The following GPR135 variants were observed in gnomAD, a reference collection of about 807,000 sequenced individuals.
GPR135 encodes the protein G protein-coupled receptor 135.
In GPR135, 17 loss-of-function variants were observed where a neutral mutation model predicts 15.0. That is an observed-to-expected ratio of 1.13 (90% CI 0.78 to 1.70). GPR135 has a LOEUF of 1.70. Among genes scored for constraint, GPR135 ranks in the 40% most tolerant of loss-of-function variants. The probability of loss-of-function intolerance (pLI) is 0.00; values close to 1 mark genes in which losing one functional copy is unlikely to be tolerated. For synonymous variants in GPR135, 368 were observed against 349.4 expected (o/e 1.05, Z -0.59); for missense variants, 776 against 727.0 (o/e 1.07, Z -0.78).
downstream of GPR135, chr14:59,456,674 G>A (rs1245746876): frequency 6.6e-6 from 1 of 152,162 alleles, no homozygotes; most frequent in Non-Finnish European, 1.5e-5. Context: ...TTATGTGTAA[G>A]TTGCTTCATT....
rs1288912172 is a variant in GPR135 at position 59,463,991 on chromosome 14, G to A, written c.1236C>T (p.Asp412=). 1.2e-6 allele frequency: 2 copies of A among 1,614,020 alleles called. No individual in the cohort carries two copies. The highest frequency in any genetic ancestry group is 1.7e-5 in the Admixed American group (1 of 60,034). The change falls in exon 1 of 1, where the codon GAC becomes GAT. Residue 412 remains aspartate, a synonymous_variant. Transcript: ENST00000395116. ...CCGGGCCCTGGCTGGGCAGGAAAGCGTCCACATTCCTAGTCCGGTAGCCCT... is the reference window on the plus strand; with the variant it reads ...CCGGGCCCTGGCTGGGCAGGAAAGCATCCACATTCCTAGTCCGGTAGCCCT... The part of the protein sequence containing the change: ...REEGYRTRNV[D]AFLPSQGPGL...
chr14:59,465,003 G>A lies in GPR135; in HGVS notation c.224C>T (p.Ser75Phe), dbSNP rs977934295. 1.2e-5 allele frequency: 17 copies of A among 1,389,924 alleles called. No homozygotes were observed. In the Admixed American group the frequency reaches 5.2e-4, roughly 42 times the overall value. 86.1% of individuals were successfully genotyped at this position (1,389,924 alleles called of 1,614,324 possible). A position where few individuals can be genotyped will look rare whatever the true frequency, so the allele number is the denominator to read the frequency against. The part of the protein sequence containing the change: ...AAPGGGGLGG[S>F]GAAREAGAAV... ...CGCCCCCGCCTCCCGCGCTGCCCCG[G>A]ACCCGCCAAGGCCGCCGCCACCGGG... The change falls in exon 1 of 1, where the codon TCC (serine) becomes TTC (phenylalanine). Residue 75 changes from serine (S) to phenylalanine (F), a missense_variant. Transcript: ENST00000395116.
chr14:59,463,820 G>C lies in GPR135; in HGVS notation c.1407C>G (p.Phe469Leu), dbSNP rs1328370437. 6.2e-7 allele frequency: 1 copy of C among 1,614,208 alleles called. No individual in the cohort carries two copies. The highest frequency in any genetic ancestry group is 8.5e-7 in the Non-Finnish European group (1 of 1,180,028). Residue 469 changes from phenylalanine to leucine, a missense_variant, in exon 1 of 1, where the codon TTC (phenylalanine) becomes TTG (leucine). By Grantham distance (22) the Phe-to-Leu change is conservative. Coordinates refer to ENST00000395116, the MANE Select transcript of GPR135 (RefSeq NM_022571.6). ...CCGGCTCTGGTGGTCCCTCTCGGCA[G>C]AAAAGTACAACTGGATTTTTGCGGG... Reference protein sequence around the residue: ...MWARKNPVVLFCREGPPEPVT... With the variant: ...MWARKNPVVLLCREGPPEPVT...
rs1889120665 is a variant in GPR135, at chr14:59,465,242, CCG to C, written c.-18_-17del. On this transcript the variant is annotated 5_prime_UTR_variant, in exon 1 of 1. Coordinates refer to ENST00000395116, the MANE Select transcript of GPR135 (RefSeq NM_022571.6). ...GCTCCTCCATGGGGCCCAGTGGCGG[CCG>C]CGGATCTCCTCATCCCGCACCGGGG... is the stretch of plus-strand genomic sequence containing the variant. The C allele has an allele frequency of 5.7e-6, 7 of 1,230,096 alleles. No homozygotes were observed. The highest frequency in any genetic ancestry group is 1.6e-5 in the African/African-American group (1 of 63,854). 76.2% of individuals were successfully genotyped at this position (1,230,096 alleles called of 1,614,324 possible).
At position 59,463,419 on chromosome 14, in the gene GPR135, T is replaced by C. The variant is rs554825761; in HGVS notation, c.*323A>G. 11 of 286,312 alleles carry C rather than the reference T, an allele frequency of 3.8e-5. No individual in the cohort carries two copies. Among genetic ancestry groups the C allele is most frequent in the Non-Finnish European group, 7.2e-5 (11 of 152,436 alleles). 17.7% of individuals were successfully genotyped at this position (286,312 alleles called of 1,614,324 possible). ...GTTGAACAATACTGGTTGCATTCAA[T>C]GTTTTGTTTGTTTCACAGTGTGGTC... On this transcript the variant is annotated 3_prime_UTR_variant, in exon 1 of 1. Coordinates refer to ENST00000395116, the MANE Select transcript of GPR135 (RefSeq NM_022571.6).
chr14:59,464,899 G>C lies in GPR135; in HGVS notation c.328C>G (p.Leu110Val). Residue 110 changes from leucine (L) to valine (V), a missense_variant, in exon 1 of 1, where the codon CTC becomes GTC. Coordinates refer to ENST00000395116, the MANE Select transcript of GPR135 (RefSeq NM_022571.6). ...GAAVAAQALV[L>V]LLIFLLSSLG... ...CTAGACAGCAGGAAGATGAGCAGGA[G>C]GACGAGCGCCTGGGCCGCCACTGCA... The C allele has an allele frequency of 6.2e-7, 1 of 1,604,528 alleles. No individual in the cohort carries two copies. Among genetic ancestry groups the C allele is most frequent in the South Asian group, 1.1e-5 (1 of 89,434 alleles).
intron 6 of GPR135, among the ~76,000 whole-genome samples, chr14:59,454,867 C>T (rs555225925): frequency 1.6e-4 from 25 of 152,034 alleles, no homozygotes; most frequent in Non-Finnish European, 2.9e-4. Flanking sequence ...TTAGGGAGGC[C>T]GAGGCAGGCA....
At chr14:59,460,732 C>A (rs1423448123), downstream of GPR135, 1 of 152,176 alleles carries the variant, frequency 6.6e-6, no homozygotes. Flanking sequence ...AAACTGGGAG[C>A]AGAATAAAAC....
At position 59,463,756 on chromosome 14, in the gene GPR135, C is replaced by A; in HGVS notation, c.1471G>T (p.Asp491Tyr). 6.3e-7 allele frequency: 1 copy of A among 1,598,818 alleles called. No homozygotes were observed. Among genetic ancestry groups the A allele is most frequent in the Middle Eastern group, 1.7e-4 (1 of 5,988 alleles). The stretch of plus-strand genomic sequence containing the variant: ...TTCCAACCGTCTTAGAGGCTGGTAT[C>A]CCCAGCTTCGGATTTAGGCTGTTTG... Reference protein sequence around the residue: ...VTKQPKSEAGDTSL With the variant: ...VTKQPKSEAGYTSL Residue 491 changes from aspartate to tyrosine, a missense_variant, in exon 1 of 1, where the codon GAT becomes TAT. Asp to Tyr is a radical substitution (Grantham distance 160). Transcript: ENST00000395116.
rs1421848524 is a variant in GPR135, at chr14:59,461,937, G to A, written c.*1805C>T. The A allele has an allele frequency of 1.3e-5, 2 of 152,182 alleles. No homozygotes were observed. The highest frequency in any genetic ancestry group is 2.4e-5 in the African/African-American group (1 of 41,436). 9.4% of individuals were successfully genotyped at this position (152,182 alleles called of 1,614,324 possible). On this transcript the variant is annotated 3_prime_UTR_variant, in exon 1 of 1. Coordinates refer to ENST00000395116, the MANE Select transcript of GPR135 (RefSeq NM_022571.6). Reference sequence around the variant, plus strand: ...TATGCTTTATAAAATAAGGGCTAGAGGGGAGGGATTATCTCATCTACTTTG... The same window carrying A: ...TATGCTTTATAAAATAAGGGCTAGAAGGGAGGGATTATCTCATCTACTTTG...
chr14:59,458,203 T>C (rs1888729981), downstream of GPR135, among the ~76,000 whole-genome samples: 1 of 152,202 alleles, frequency 6.6e-6, no homozygotes, highest in Admixed American at 6.5e-5. Flanking sequence ...TGACTGCCTC[T>C]TTTCCTGATC....
In GPR135 at chr14:59,460,803, A is replaced by G. The variant is rs1056499872; in HGVS notation, c.*2939T>C. 3.3e-5 allele frequency: 5 copies of G among 152,216 alleles called. No individual in the cohort carries two copies. The highest frequency in any genetic ancestry group is 9.6e-5 in the African/African-American group (4 of 41,456). 9.4% of individuals were successfully genotyped at this position (152,216 alleles called of 1,614,324 possible). A position where few individuals can be genotyped will look rare whatever the true frequency, so the allele number is the denominator to read the frequency against. ...AATATTTAATCCATTCCAATATTTC[A>G]TAGCTTTTCTTTCTCGTTTTCCCAT... On this transcript the variant is annotated 3_prime_UTR_variant, in exon 1 of 1. Transcript: ENST00000395116.
downstream of GPR135, among the ~76,000 whole-genome samples, chr14:59,456,047 CT>C (rs1888641540): frequency 6.6e-6 from 1 of 152,136 alleles, no homozygotes; most frequent in South Asian, 2.1e-4. Context: ...CTTATTCTCC[CT>C]TTTCTCTTTC....
downstream of GPR135, among the ~76,000 whole-genome samples, chr14:59,459,399 G>A (rs1383574182): frequency 6.6e-6 from 1 of 152,160 alleles, no homozygotes; most frequent in Non-Finnish European, 1.5e-5. Flanking sequence ...TTAGAGAGGG[G>A]CTCTAAAGTG....
chr14:59,463,141 A>G lies in GPR135; in HGVS notation c.*601T>C, dbSNP rs1888929825. ...AGATGGTTGAATTTTATCTAATAAT[A>G]ACCAGCTTTTCAAAATCCTAAAATG... On this transcript the variant is annotated 3_prime_UTR_variant, in exon 1 of 1. Transcript: ENST00000395116. The G allele has an allele frequency of 6.6e-6, 1 of 152,228 alleles. No individual in the cohort carries two copies. Among genetic ancestry groups the G allele is most frequent in the Non-Finnish European group, 1.5e-5 (1 of 68,038 alleles). 9.4% of individuals were successfully genotyped at this position (152,228 alleles called of 1,614,324 possible).
downstream of GPR135, among the ~76,000 whole-genome samples, chr14:59,458,160 C>G (rs1019965375): frequency 1.3e-5 from 2 of 152,156 alleles, no homozygotes; most frequent in South Asian, 2.1e-4. Flanking sequence ...TACAGTCACC[C>G]TTGGAGAACA....
In GPR135 at chr14:59,464,450, G is replaced by C. The variant is rs1242317385; in HGVS notation, c.777C>G (p.Phe259Leu). Residue 259 changes from phenylalanine (F) to leucine (L), a missense_variant, in exon 1 of 1, where the codon TTC (phenylalanine) becomes TTG (leucine). Physicochemically the swap from Phe to Leu is conservative, Grantham distance 22 (BLOSUM62 0). Coordinates refer to ENST00000395116, the MANE Select transcript of GPR135 (RefSeq NM_022571.6). ...APRELAAAQS[F>L]HGCLYRTSPD... ...GGGAGGTCCGGTAGAGGCAGCCGTG[G>C]AAGCTCTGCGCCGCCGCGAGTTCCC... 10 of 1,558,140 alleles carry C rather than the reference G, an allele frequency of 6.4e-6. No individual in the cohort carries two copies. Among genetic ancestry groups the C allele is most frequent in the Non-Finnish European group, 8.7e-6 (10 of 1,155,730 alleles).
At position 59,461,723 on chromosome 14, in the gene GPR135, A is replaced by T. The variant is rs1365485942; in HGVS notation, c.*2019T>A. The T allele has an allele frequency of 6.6e-6, 1 of 152,190 alleles. No homozygotes were observed. The allele number at this position is 152,190 out of a possible 1,614,324, so 9.4% of individuals were successfully genotyped here. A position where few individuals can be genotyped will look rare whatever the true frequency, so the allele number is the denominator to read the frequency against. On this transcript the variant is annotated 3_prime_UTR_variant, in exon 1 of 1. Transcript: ENST00000395116. ...AACACGCTCACCTCCTTACTCTAAGATCTCTAACCCTCTGCCCTTTATTCA... is the reference window on the plus strand; with the variant it reads ...AACACGCTCACCTCCTTACTCTAAGTTCTCTAACCCTCTGCCCTTTATTCA...
chr14:59,464,900 G>A lies in GPR135; in HGVS notation c.327C>T (p.Val109=). The change falls in exon 1 of 1, where the codon GTC becomes GTT. Residue 109 remains valine, a synonymous_variant. Coordinates refer to ENST00000395116, the MANE Select transcript of GPR135 (RefSeq NM_022571.6). ...HGAAVAAQAL[V]LLLIFLLSSL... ...TAGACAGCAGGAAGATGAGCAGGAG[G>A]ACGAGCGCCTGGGCCGCCACTGCAG... 6.2e-7 allele frequency: 1 copy of A among 1,604,302 alleles called. No homozygotes were observed. The highest frequency in any genetic ancestry group is 8.5e-7 in the Non-Finnish European group (1 of 1,176,478).
Sources: allele counts gnomAD v4.1 joint callset (sites outside exome capture counted in the v4.1 genomes callset), GRCh38; gene constraint gnomAD v4.1.1; transcripts MANE v1.5; gene names NCBI Gene and HGNC (gene_info 2026-07-23, HGNC 2026-07-21).